Variants in DPY19L1 observed in about 807,000 individuals in gnomAD.
The protein encoded by DPY19L1 is dpy-19 like C-mannosyltransferase 1.
A neutral mutation model predicts 96.9 loss-of-function variants in DPY19L1; 35 were observed. The ratio of observed to expected loss-of-function variants is 0.36; its 90% CI spans 0.28 to 0.48. The LOEUF (loss-of-function observed/expected upper bound fraction) is 0.48. Ranked by LOEUF, DPY19L1 falls within the 20% of genes least tolerant of loss-of-function variation. DPY19L1 has a pLI of 0.99. For synonymous variants in DPY19L1, 205 were observed against 252.6 expected (o/e 0.81, Z 1.79); for missense variants, 521 against 777.9 (o/e 0.67, Z 3.93).
chr7:34,996,764 T>C (rs1785294137), intron 6 of DPY19L1, among the ~76,000 whole-genome samples: 1 of 152,132 alleles, frequency 6.6e-6, no homozygotes, highest in Admixed American at 6.5e-5. Flanking sequence ...CCTCGCAGGA[T>C]CTGGCCCCTG....
intron 1 of DPY19L1, among the ~76,000 whole-genome samples, chr7:35,035,273 T>C (rs1786364781): frequency 1.3e-5 from 2 of 152,156 alleles, no homozygotes; most frequent in Non-Finnish European, 2.9e-5. Flanking sequence ...TGTACCTCCT[T>C]TCAATGCTCA....
intron 2 of DPY19L1, 23 bp downstream of exon 2, chr7:35,018,549 A>G (rs748610740): frequency 3.1e-6 from 5 of 1,602,594 alleles, no homozygotes; most frequent in Middle Eastern, 3.3e-4. Context: ...ATAAAATACC[A>G]TAGGAGAAAA....
intron 21 of DPY19L1, among the ~76,000 whole-genome samples, chr7:34,936,154 T>C (rs1186674421): frequency 6.6e-6 from 1 of 152,268 alleles, no homozygotes; most frequent in Non-Finnish European, 1.5e-5. Flanking sequence ...GTAAGTGACT[T>C]GAAGTCAGTT....
chr7:35,025,060 C>G (rs968665222), intron 1 of DPY19L1, among the ~76,000 whole-genome samples: 2 of 152,164 alleles, frequency 1.3e-5, no homozygotes, highest in African/African-American at 4.8e-5. Flanking sequence ...AGGTAAATAT[C>G]TATTTTTATA....
At chr7:34,956,174 AAT>A (rs1246929599) in intron 11 of DPY19L1, among the ~76,000 whole-genome samples, 6 of 152,336 alleles carry the variant, frequency 3.9e-5, no homozygotes, top group African/African-American at 1.4e-4. Flanking sequence ...AATGTACTTA[AAT>A]TAGATTTTAT....
At chr7:34,937,858 A>G in intron 21 of DPY19L1, 136 bp downstream of exon 21, 2 of 618,892 alleles carry the variant, frequency 3.2e-6, no homozygotes, top group Non-Finnish European at 2.4e-6. Flanking sequence ...GAGCCTGTTT[A>G]AAAAAAAAAG....
chr7:34,995,459 T>A (rs1039160612), intron 6 of DPY19L1, among the ~76,000 whole-genome samples: 2 of 152,210 alleles, frequency 1.3e-5, no homozygotes, highest in African/African-American at 4.8e-5. Context: ...ACCTTGATTT[T>A]TCTTAGATAT....
chr7:35,012,005 C>A (rs1395025129), intron 4 of DPY19L1, among the ~76,000 whole-genome samples: 1 of 152,210 alleles, frequency 6.6e-6, no homozygotes, highest in Non-Finnish European at 1.5e-5. Context: ...CAAGCCACCC[C>A]AGATTCCCTC....
At chr7:35,013,922 T>C (rs1300606071) in intron 3 of DPY19L1, among the ~76,000 whole-genome samples, 5 of 152,112 alleles carry the variant, frequency 3.3e-5, no homozygotes, top group Non-Finnish European at 7.4e-5. Flanking sequence ...GAATGCAAAA[T>C]AGCTTCAAAA....
At chr7:34,963,679 T>C (rs1289925266) in intron 10 of DPY19L1, among the ~76,000 whole-genome samples, 2 of 149,876 alleles carry the variant, frequency 1.3e-5, no homozygotes, top group African/African-American at 4.9e-5. Context: ...ATGGACAGAT[T>C]GAATGGATAA....
intron 10 of DPY19L1, among the ~76,000 whole-genome samples, chr7:34,961,703 G>A (rs1784504817): frequency 1.3e-5 from 2 of 152,012 alleles, no homozygotes; most frequent in African/African-American, 4.8e-5. Context: ...ATGATTGAGA[G>A]AAGATATCTG....
At chr7:35,037,739 G>T (rs573820362), upstream of DPY19L1, 570 of 948,736 alleles carry the variant, frequency 6.0e-4, 4 homozygotes, top group South Asian at 0.01. Flanking sequence ...CCGGACGCGC[G>T]CTCCAGGCCG....
At chr7:34,983,023 A>G (rs894120991) in intron 7 of DPY19L1, among the ~76,000 whole-genome samples, 7 of 152,240 alleles carry the variant, frequency 4.6e-5, no homozygotes, top group African/African-American at 1.7e-4. Flanking sequence ...AGACAAAGAA[A>G]AAAGAAATCA....
At chr7:34,932,042 T>C (rs1314074725) in intron 21 of DPY19L1, among the ~76,000 whole-genome samples, 4 of 152,188 alleles carry the variant, frequency 2.6e-5, no homozygotes, top group Non-Finnish European at 5.9e-5. Context: ...TCTGGGCAGG[T>C]AGCTTCCCTT....
At chr7:34,958,146 AC>A in intron 10 of DPY19L1, 76 bp from the exon 11 acceptor site, 1 of 955,398 alleles carries the variant, frequency 1.0e-6, no homozygotes, top group Non-Finnish European at 1.5e-6. Flanking sequence ...TGAAAACTGC[AC>A]ATGCCCATAA....
chr7:35,010,386 T>A, intron 6 of DPY19L1, 82 bp downstream of exon 6: 3 of 796,520 alleles, frequency 3.8e-6, no homozygotes, highest in Non-Finnish European at 5.9e-6. Flanking sequence ...AACTGAACTA[T>A]AAATTAATCA....
At chr7:35,011,176 A>G (rs1170804247) in intron 5 of DPY19L1, among the ~76,000 whole-genome samples, 154 bp downstream of exon 5, 1 of 152,204 alleles carries the variant, frequency 6.6e-6, no homozygotes, top group Non-Finnish European at 1.5e-5. Flanking sequence ...CAGCCCCGCT[A>G]AAGCCTGCCC....
At chr7:34,931,779 C>T in intron 21 of DPY19L1, 50 bp from the exon 22 acceptor site, 1 of 1,529,700 alleles carries the variant, frequency 6.5e-7, no homozygotes, top group Non-Finnish European at 8.8e-7. Context: ...TATATAACTG[C>T]AGAGAAAGCA....
rs1043127170 is a variant in DPY19L1 at position 34,939,139 on chromosome 7, G to A, written c.1964+137C>T. The A allele has an allele frequency of 8.3e-6, 6 of 723,848 alleles. No individual in the cohort carries two copies. The African/African-American group carries it at 9.0e-5, about 11-fold the overall frequency. The allele number at this position is 723,848 out of a possible 1,614,324, so 44.8% of individuals were successfully genotyped here. ...TTTAGAGCTTAGCGGTCTTATTTCA[G>A]CTTTCTGCTCCCTGACTCGATAAGC... On this transcript the variant is annotated intron_variant, in intron 20 of 21. Transcript: ENST00000638088.
Sources: gnomAD v4.1 joint callset for allele counts (sites outside exome capture counted in the v4.1 genomes callset) on GRCh38, gnomAD v4.1.1 for gene constraint, MANE v1.5 for transcripts, NCBI Gene and HGNC (gene_info 2026-07-23, HGNC 2026-07-21) for gene names.